Variants in SUN1 observed in about 807,000 individuals in gnomAD.
SUN1 encodes SUN domain-containing protein 1.
In SUN1, 61 loss-of-function variants were observed where a neutral mutation model predicts 103.2. The ratio of observed to expected loss-of-function variants is 0.59; its 90% confidence interval spans 0.48 to 0.73. The LOEUF is 0.73. Among genes scored for constraint, SUN1 ranks in the 30% least tolerant of loss-of-function variants. The pLI is 0.00. For missense variants in SUN1, 1,052 were observed against 1,034.6 expected, an observed-to-expected ratio of 1.02 and a Z score of -0.23; for synonymous variants, 490 against 425.7, an observed-to-expected ratio of 1.15 and a Z score of -1.86.
intron 15 of SUN1, among the ~76,000 whole-genome samples, chr7:861,873 G>A (rs535424282): frequency 1.3e-5 from 2 of 152,378 alleles, no homozygotes; most frequent in Non-Finnish European, 2.9e-5. Context: ...CAGATGGAAT[G>A]ATGGGGGCTG....
intron 17 of SUN1, among the ~76,000 whole-genome samples, chr7:870,380 A>G (rs1324624333): frequency 6.6e-6 from 1 of 151,328 alleles, no homozygotes; most frequent in Non-Finnish European, 1.5e-5. Context: ...ACCTGAGGTT[A>G]GGAGTTCGAG....
upstream of SUN1, chr7:832,417 G>A (rs1231876956): frequency 9.1e-6 from 10 of 1,102,076 alleles, no homozygotes; most frequent in Middle Eastern, 1.9e-4. Flanking sequence ...GTTGAGTTGC[G>A]TGTAGGCAGC....
At chr7:856,483 G>A (rs1827440822) in intron 12 of SUN1, 82 bp downstream of exon 12, 1 of 1,544,240 alleles carries the variant, frequency 6.5e-7, no homozygotes, top group Non-Finnish European at 8.9e-7. Context: ...TGATGAATGG[G>A]GGACCCGGGG....
In SUN1 at chr7:843,209, TTGA is replaced by T. The variant is rs780030517; in HGVS notation, c.464_466del (p.Asp155del). ...GTGTGTGTGTTTTTTTTTTTAGGTC[TTGA>T]TGATGATGGTGATCTTAAAGGTAAT... On this transcript the variant is annotated inframe_deletion, in exon 4 of 19. Coordinates refer to ENST00000401592, the MANE Select transcript of SUN1 (RefSeq NM_001130965.3). The T allele has an allele frequency of 7.5e-6, 12 of 1,608,946 alleles. No individual in the cohort carries two copies. The highest frequency in any genetic ancestry group is 2.2e-5 in the East Asian group (1 of 44,900).
intron 1 of SUN1, chr7:817,242 G>C (rs936181787): frequency 4.7e-6 from 3 of 644,596 alleles, no homozygotes. Context: ...TCACAGGCGT[G>C]AGCCACCGCG....
At chr7:824,434 A>C (rs1457577307) in intron 1 of SUN1, among the ~76,000 whole-genome samples, 1 of 152,190 alleles carries the variant, frequency 6.6e-6, no homozygotes, top group Admixed American at 6.5e-5. Context: ...TTATAAGGAA[A>C]TTCTGTGCAC....
rs1275104464 is a variant in SUN1, at chr7:874,544, A to G, written c.*1213A>G. On this transcript the variant is annotated 3_prime_UTR_variant, in exon 19 of 19. Coordinates refer to ENST00000401592, the MANE Select transcript of SUN1 (RefSeq NM_001130965.3). ...GATGGTGCTGACTGGTTTTCTGTAT[A>G]TTGCACAACAGTCCTCAAATACACT... The G allele has an allele frequency of 6.6e-6, 1 of 152,590 alleles. No individual in the cohort carries two copies. Among genetic ancestry groups the G allele is most frequent in the Non-Finnish European group, 1.5e-5 (1 of 68,024 alleles). The allele number at this position is 152,590 out of a possible 1,614,324, so 9.5% of individuals were successfully genotyped here. A position where few individuals can be genotyped will look rare whatever the true frequency, so the allele number is the denominator to read the frequency against.
Position 873,403 on chromosome 7 carries a change from A to T in SUN1, c.*72A>T. On this transcript the variant is annotated 3_prime_UTR_variant, in exon 19 of 19. Coordinates refer to ENST00000401592, the MANE Select transcript of SUN1 (RefSeq NM_001130965.3). Reference sequence around the variant, plus strand: ...CGTGAAACACTGGAATCCTTCATGGACGAGGGCATATACAATGATGGGACA... The same window carrying T: ...CGTGAAACACTGGAATCCTTCATGGTCGAGGGCATATACAATGATGGGACA... 7.5e-7 allele frequency: 1 copy of T among 1,336,186 alleles called. No individual in the cohort carries two copies. The highest frequency in any genetic ancestry group is 1.1e-6 in the Non-Finnish European group (1 of 931,812). The allele number at this position is 1,336,186 out of a possible 1,614,324, so 82.8% of individuals were successfully genotyped here. A position where few individuals can be genotyped will look rare whatever the true frequency, so the allele number is the denominator to read the frequency against.
chr7:828,653 C>G (rs1411989812), upstream of SUN1, among the ~76,000 whole-genome samples: 1 of 152,178 alleles, frequency 6.6e-6, no homozygotes, highest in Non-Finnish European at 1.5e-5. Flanking sequence ...TCTACTTTTC[C>G]TGTTTTTGTG....
At chr7:834,354 G>A (rs892647276) in intron 1 of SUN1, among the ~76,000 whole-genome samples, 1 of 152,210 alleles carries the variant, frequency 6.6e-6, no homozygotes, top group Non-Finnish European at 1.5e-5. Flanking sequence ...TGGCCGGAGT[G>A]CCTCGGGGAG....
chr7:819,350 A>T (rs943547217), intron 1 of SUN1, among the ~76,000 whole-genome samples: 1 of 152,158 alleles, frequency 6.6e-6, no homozygotes. Context: ...TAAATTGATT[A>T]ACTCTAATTT....
chr7:871,999 C>T (rs2128593776), intron 17 of SUN1, among the ~76,000 whole-genome samples: 1 of 152,328 alleles, frequency 6.6e-6, no homozygotes, highest in East Asian at 1.9e-4. Context: ...CCTGACTCCC[C>T]ACACCCCAGC....
chr7:837,228 T>C (rs1804252503), intron 1 of SUN1, among the ~76,000 whole-genome samples: 1 of 152,138 alleles, frequency 6.6e-6, no homozygotes, highest in African/African-American at 2.4e-5. Context: ...CTGGAAGAGC[T>C]GGGGCGAGCC....
chr7:836,172 G>T (rs545117761), intron 1 of SUN1, among the ~76,000 whole-genome samples: 1 of 152,282 alleles, frequency 6.6e-6, no homozygotes, highest in Admixed American at 6.5e-5. Flanking sequence ...CGTGTGTCTA[G>T]ATGCTGGTGG....
chr7:825,760 G>A (rs1050594956), intron 1 of SUN1, among the ~76,000 whole-genome samples: 8 of 152,196 alleles, frequency 5.3e-5, no homozygotes, highest in South Asian at 2.1e-4. Context: ...ATGATCTTTG[G>A]AAAACATCTA....
At chr7:827,149 G>A (rs1263501177) in intron 1 of SUN1, among the ~76,000 whole-genome samples, 1 of 152,078 alleles carries the variant, frequency 6.6e-6, no homozygotes, top group Non-Finnish European at 1.5e-5. Flanking sequence ...AGCCTCCCAA[G>A]TAGTTGGGAC....
At chr7:844,006 G>A in intron 5 of SUN1, 1 of 528,032 alleles carries the variant, frequency 1.9e-6, no homozygotes, top group Non-Finnish European at 2.5e-6. Context: ...GGTCTGGGAA[G>A]GACACACGTG....
intron 15 of SUN1, 77 bp downstream of exon 15, chr7:861,541 C>G: frequency 1.4e-6 from 2 of 1,429,880 alleles, no homozygotes; most frequent in East Asian, 2.3e-5. Flanking sequence ...AGGCTGTTGC[C>G]TACCCCACTT....
chr7:843,193 T>TGTG lies in SUN1; in HGVS notation c.452-13_452-12insGTG, dbSNP rs537734027. On this transcript the variant is annotated splice_polypyrimidine_tract_variant and intron_variant, in intron 3 of 18. Coordinates refer to ENST00000401592, the MANE Select transcript of SUN1 (RefSeq NM_001130965.3). ...CAGCAAAAATGTGTGTGTGTGTGTG[T>TGTG]TTTTTTTTTTAGGTCTTGATGATGA... 3 of 517,602 alleles carry TGTG rather than the reference T, an allele frequency of 5.8e-6. No individual in the cohort carries two copies. Among genetic ancestry groups the TGTG allele is most frequent in the Admixed American group, 1.5e-4 (2 of 13,192 alleles). 32.1% of individuals were successfully genotyped at this position (517,602 alleles called of 1,614,324 possible). A position where few individuals can be genotyped will look rare whatever the true frequency, so the allele number is the denominator to read the frequency against.
Sources: allele counts gnomAD v4.1 joint callset (sites outside exome capture counted in the v4.1 genomes callset), GRCh38; gene constraint gnomAD v4.1.1; transcripts MANE v1.5; gene names NCBI Gene and HGNC (gene_info 2026-07-23, HGNC 2026-07-21).